The following PPTC7 variants were observed in gnomAD, a reference collection of about 807,000 sequenced individuals.
PPTC7 encodes protein phosphatase PTC7 homolog.
PPTC7 carries 6 observed loss-of-function variants against 30.8 expected under a neutral mutation model. That is an observed-to-expected ratio of 0.19 (90% confidence interval 0.11 to 0.38). The LOEUF (loss-of-function observed/expected upper bound fraction) is 0.38, where lower values mean the gene tolerates loss of function less well. Ranked by LOEUF, PPTC7 falls within the 10% of genes least tolerant of loss-of-function variation. The probability of loss-of-function intolerance (pLI) is 1.00; values close to 1 mark genes in which losing one functional copy is unlikely to be tolerated. For missense variants in PPTC7, 218 were observed against 404.8 expected, an observed-to-expected ratio of 0.54 and a Z score of 3.96; for synonymous variants, 163 against 168.1, an observed-to-expected ratio of 0.97 and a Z score of 0.23.
intron 1 of PPTC7, among the ~76,000 whole-genome samples, chr12:110,565,611 G>T (rs2064477376): frequency 6.6e-6 from 1 of 152,148 alleles, no homozygotes; most frequent in South Asian, 2.1e-4. Context: ...AGGATGACAA[G>T]AACTATTTAT....
At chr12:110,555,667 A>G (rs568975560) in intron 1 of PPTC7, among the ~76,000 whole-genome samples, 2 of 152,282 alleles carry the variant, frequency 1.3e-5, no homozygotes, top group Admixed American at 6.5e-5. Context: ...ATGAAACAGA[A>G]CACGTGGATT....
At chr12:110,543,561 G>T (rs996928514) in intron 3 of PPTC7, among the ~76,000 whole-genome samples, 2 of 152,144 alleles carry the variant, frequency 1.3e-5, no homozygotes, top group African/African-American at 4.8e-5. Context: ...TCAGATTCTA[G>T]AAGTGTAGAT....
At chr12:110,574,141 T>TAAACAAAAAA (rs2064565867) in intron 1 of PPTC7, among the ~76,000 whole-genome samples, 1 of 37,442 alleles carries the variant, frequency 2.7e-5, no homozygotes, top group Non-Finnish European at 4.7e-5. Context: ...CCACAATAAT[T>TAAACAAAAAA]AAAAAAAAAA....
At chr12:110,540,057 A>T in intron 3 of PPTC7, 112 bp from the exon 4 acceptor site, 1 of 887,956 alleles carries the variant, frequency 1.1e-6, no homozygotes, top group Non-Finnish European at 1.6e-6. Context: ...AGAAAAACTG[A>T]TTTATCATAA....
rs575933835 is a variant in PPTC7 at position 110,572,612 on chromosome 12, T to C, written c.223+10197A>G. Among the ~76,000 whole-genome samples, 4 of 152,338 alleles carry C rather than the reference T, an allele frequency of 2.6e-5. No individual in the cohort carries two copies. The South Asian group carries it at 6.2e-4, about 24-fold the overall frequency. On this transcript the variant is annotated intron_variant, in intron 1 of 5. Transcript: ENST00000354300. ...GGGCCCTTCAGCAGAAAGCACTCTT[T>C]GTAGAAAGTCACTTTCGTAGTCTCT...
intron 5 of PPTC7, 120 bp downstream of exon 5, chr12:110,538,024 G>A: frequency 9.6e-7 from 1 of 1,046,232 alleles, no homozygotes; most frequent in Non-Finnish European, 1.4e-6. Context: ...AAAGCCACAA[G>A]TGCACAGTTT....
chr12:110,575,013 C>T (rs2135794974), intron 1 of PPTC7, among the ~76,000 whole-genome samples: 1 of 145,880 alleles, frequency 6.9e-6, no homozygotes, highest in African/African-American at 2.5e-5. Context: ...TGGTCTTGAA[C>T]TTCTGACCTC....
chr12:110,545,815 G>A, intron 3 of PPTC7, 65 bp downstream of exon 3: 1 of 1,430,626 alleles, frequency 7.0e-7, no homozygotes. Flanking sequence ...CACTCAAGGG[G>A]GACAGGAGGG....
intron 1 of PPTC7, among the ~76,000 whole-genome samples, chr12:110,568,890 C>T (rs995827045): frequency 6.6e-6 from 1 of 152,216 alleles, no homozygotes; most frequent in African/African-American, 2.4e-5. Context: ...TGGCTCAAGC[C>T]TGTAGTCTCA....
At chr12:110,561,137 G>A (rs1009170874) in intron 1 of PPTC7, among the ~76,000 whole-genome samples, 1 of 152,110 alleles carries the variant, frequency 6.6e-6, no homozygotes, top group Non-Finnish European at 1.5e-5. Context: ...CAGTACGACA[G>A]GCATCTTTTC....
intron 1 of PPTC7, among the ~76,000 whole-genome samples, chr12:110,573,784 C>G (rs2064560598): frequency 6.6e-6 from 1 of 151,990 alleles, no homozygotes; most frequent in Non-Finnish European, 1.5e-5. Context: ...GAGTTCAAGA[C>G]CAGCCTGACC....
rs139872470 is a variant in PPTC7 at position 110,562,221 on chromosome 12, G to GCAA, written c.224-10254_224-10253insTTG. ...AATCGTTTGAACCCAGGAGGCGGAG[G>GCAA]TTGCACAGGGAGCTGAGATCGCACC... On this transcript the variant is annotated intron_variant, in intron 1 of 5. Coordinates refer to ENST00000354300, the MANE Select transcript of PPTC7 (RefSeq NM_139283.2). Among the ~76,000 whole-genome samples, 1,005 of 142,286 alleles carry GCAA rather than the reference G, an allele frequency of 7.1e-3. 1 individual carries two copies. Among genetic ancestry groups the GCAA allele is most frequent in the Non-Finnish European group, 9.4e-3 (630 of 66,680 alleles). 93.3% of individuals were successfully genotyped at this position (142,286 alleles called of 152,430 possible). A position where few individuals can be genotyped will look rare whatever the true frequency, so the allele number is the denominator to read the frequency against.
At position 110,536,289 on chromosome 12, in the gene PPTC7, T is replaced by A. The variant is rs2064217767; in HGVS notation, c.*748A>T. The A allele has an allele frequency of 6.6e-6, 1 of 152,186 alleles. No homozygotes were observed. The highest frequency in any genetic ancestry group is 1.5e-5 in the Non-Finnish European group (1 of 68,044). The allele number at this position is 152,186 out of a possible 1,614,324, so 9.4% of individuals were successfully genotyped here. A position where few individuals can be genotyped will look rare whatever the true frequency, so the allele number is the denominator to read the frequency against. ...TCCATAAAAAAATACTGGTAAAGTG[T>A]CTCCCCTACCCCTCCTGGAGATCAG... On this transcript the variant is annotated 3_prime_UTR_variant, in exon 6 of 6. Coordinates refer to ENST00000354300, the MANE Select transcript of PPTC7 (RefSeq NM_139283.2).
chr12:110,579,017 C>T lies in PPTC7; in HGVS notation c.223+3792G>A, dbSNP rs186826659. Among the ~76,000 whole-genome samples the T allele has an allele frequency of 9.2e-5, 14 of 152,180 alleles. No homozygotes were observed. In the East Asian group the frequency reaches 1.4e-3, roughly 15 times the overall value. ...ACAAACAATTAGCCGGGTGAGGTGG[C>T]ACATGCCTGTAGTCCCAGCTACTCG... On this transcript the variant is annotated intron_variant, in intron 1 of 5. Coordinates refer to ENST00000354300, the MANE Select transcript of PPTC7 (RefSeq NM_139283.2).
At chr12:110,546,159 G>T in intron 2 of PPTC7, 81 bp from the exon 3 acceptor site, 1 of 1,090,494 alleles carries the variant, frequency 9.2e-7, no homozygotes, top group Non-Finnish European at 1.4e-6. Flanking sequence ...ACCCCACAGA[G>T]CAACACACCA....
chr12:110,550,021 A>C (rs1430734341), intron 2 of PPTC7, among the ~76,000 whole-genome samples: 1 of 152,194 alleles, frequency 6.6e-6, no homozygotes, highest in East Asian at 1.9e-4. Flanking sequence ...TGCATGTCCA[A>C]AACAGGGAAT....
intron 1 of PPTC7, among the ~76,000 whole-genome samples, chr12:110,558,163 T>C (rs566176262): frequency 6.6e-6 from 1 of 152,298 alleles, no homozygotes; most frequent in African/African-American, 2.4e-5. Context: ...TTTAATTCTG[T>C]CTTGGGTATG....
intron 1 of PPTC7, among the ~76,000 whole-genome samples, chr12:110,573,286 C>A (rs1474500783): frequency 6.6e-6 from 1 of 152,220 alleles, no homozygotes; most frequent in Non-Finnish European, 1.5e-5. Context: ...TAAAGAGATA[C>A]TCATTCTAGT....
At chr12:110,542,755 G>A (rs560470507) in intron 3 of PPTC7, among the ~76,000 whole-genome samples, 16 of 151,606 alleles carry the variant, frequency 1.1e-4, no homozygotes, top group African/African-American at 3.6e-4. Flanking sequence ...AGAATATGTG[G>A]CTAAGGGCAG....
Sources: allele counts gnomAD v4.1 joint callset (sites outside exome capture counted in the v4.1 genomes callset), GRCh38; gene constraint gnomAD v4.1.1; transcripts MANE v1.5; gene names NCBI Gene and HGNC (gene_info 2026-07-23, HGNC 2026-07-21).